The following CPS1 variants were observed in gnomAD, a reference collection of about 807,000 sequenced individuals.
CPS1 encodes carbamoyl-phosphate synthase 1, also known as carbamoyl-phosphate synthase [ammonia], mitochondrial.
Under a neutral mutation model 174.6 loss-of-function variants are expected in CPS1, and 109 were observed. The ratio of observed to expected loss-of-function variants is 0.62; its 90% CI spans 0.53 to 0.73. The LOEUF is 0.73. Among genes scored for constraint, CPS1 ranks in the 30% least tolerant of loss-of-function variants. The pLI, the probability that CPS1 is intolerant of heterozygous loss-of-function variation, is 0.00. For synonymous variants in CPS1, 637 were observed against 632.0 expected, an observed-to-expected ratio of 1.01 and a Z score of -0.12; for missense variants, 1,689 against 1,821.9, an observed-to-expected ratio of 0.93 and a Z score of 1.33.
intron 1 of CPS1, among the ~76,000 whole-genome samples, chr2:210,517,156 C>T (rs2105983211): frequency 6.6e-6 from 1 of 151,960 alleles, no homozygotes; most frequent in African/African-American, 2.4e-5. Flanking sequence ...TAACACTAAC[C>T]TAAGGAAAGT....
intron 21 of CPS1, among the ~76,000 whole-genome samples, chr2:210,624,916 A>G (rs535922656): frequency 6.6e-6 from 1 of 152,186 alleles, no homozygotes; most frequent in East Asian, 1.9e-4. Flanking sequence ...AAAAATTTTA[A>G]GTTGATTTAA....
At chr2:210,629,894 C>CA (rs1254404599) in intron 21 of CPS1, among the ~76,000 whole-genome samples, 241 of 142,590 alleles carry the variant, frequency 1.7e-3, no homozygotes, top group African/African-American at 4.4e-3. Flanking sequence ...AATAAAAATA[C>CA]AAAAAAAAAA....
intron 1 of CPS1, among the ~76,000 whole-genome samples, chr2:210,520,151 A>T (rs1395961533): frequency 6.6e-6 from 1 of 152,030 alleles, no homozygotes; most frequent in African/African-American, 2.4e-5. Flanking sequence ...TATAAAACAC[A>T]TATATTTTAG....
intron 1 of CPS1, among the ~76,000 whole-genome samples, chr2:210,520,945 A>G (rs1695807414): frequency 6.6e-6 from 1 of 151,996 alleles, no homozygotes; most frequent in East Asian, 1.9e-4. Flanking sequence ...ATATGTTGTC[A>G]TTTCTCTTGG....
chr2:210,592,721 C>T (rs749391611), intron 10 of CPS1, among the ~76,000 whole-genome samples, 158 bp from the exon 11 acceptor site: 14 of 151,900 alleles, frequency 9.2e-5, no homozygotes, highest in African/African-American at 1.2e-4. Context: ...CTTAAGATAT[C>T]GGACCATGTT....
chr2:210,566,418 A>G (rs1697305026), intron 1 of CPS1, among the ~76,000 whole-genome samples: 1 of 152,114 alleles, frequency 6.6e-6, no homozygotes, highest in Admixed American at 6.6e-5. Context: ...ATAATGACTC[A>G]GGTAATTCAT....
At chr2:210,608,054 TA>T (rs1401681952) in intron 18 of CPS1, among the ~76,000 whole-genome samples, 1 of 151,918 alleles carries the variant, frequency 6.6e-6, no homozygotes, top group East Asian at 1.9e-4. Context: ...TAAATACAAA[TA>T]AAGGTTAAAC....
At chr2:210,635,966 A>G (rs1438121084) in intron 21 of CPS1, among the ~76,000 whole-genome samples, 1 of 152,202 alleles carries the variant, frequency 6.6e-6, no homozygotes, top group African/African-American at 2.4e-5. Flanking sequence ...TTCTTCTCCA[A>G]ACTCAGAATA....
intron 11 of CPS1, among the ~76,000 whole-genome samples, chr2:210,593,933 G>A (rs1328381806): frequency 1.3e-5 from 2 of 151,606 alleles, no homozygotes; most frequent in African/African-American, 2.4e-5. Flanking sequence ...TTAGTACTTC[G>A]GATTAGGAAC....
At chr2:210,603,102 A>AATACC (rs1332794514) in intron 16 of CPS1, among the ~76,000 whole-genome samples, 1 of 151,964 alleles carries the variant, frequency 6.6e-6, no homozygotes, top group Non-Finnish European at 1.5e-5. Flanking sequence ...AGTGCCTGGA[A>AATACC]ATACCAGGAG....
At chr2:210,626,853 T>C (rs926149499) in intron 21 of CPS1, among the ~76,000 whole-genome samples, 12 of 152,224 alleles carry the variant, frequency 7.9e-5, no homozygotes, top group Non-Finnish European at 2.9e-5. Flanking sequence ...ATCTACTGTA[T>C]ATCTCCGGTG....
intron 1 of CPS1, among the ~76,000 whole-genome samples, chr2:210,511,265 G>T (rs961589200): frequency 6.6e-6 from 1 of 151,992 alleles, no homozygotes; most frequent in Non-Finnish European, 1.5e-5. Context: ...ATCATTCTCA[G>T]CAAACCATCG....
intron 1 of CPS1, among the ~76,000 whole-genome samples, chr2:210,511,890 T>G (rs1414737887): frequency 1.3e-5 from 2 of 152,116 alleles, no homozygotes; most frequent in Non-Finnish European, 2.9e-5. Context: ...TTCAATAAAT[T>G]TATTCACATC....
At chr2:210,505,512 C>A (rs905014084) in intron 1 of CPS1, among the ~76,000 whole-genome samples, 1 of 152,102 alleles carries the variant, frequency 6.6e-6, no homozygotes, top group Non-Finnish European at 1.5e-5. Flanking sequence ...GTACTGGGTT[C>A]ATCTCACTGG....
chr2:210,598,499 A>G (rs1205398904), intron 13 of CPS1, among the ~76,000 whole-genome samples: 1 of 151,652 alleles, frequency 6.6e-6, no homozygotes, highest in Non-Finnish European at 1.5e-5. Flanking sequence ...TGCGCTCAAA[A>G]TAAAGGGATA....
chr2:210,593,239 A>G, intron 11 of CPS1: 2 of 714,028 alleles, frequency 2.8e-6, no homozygotes, highest in Non-Finnish European at 4.1e-6. Flanking sequence ...TGAAATTTAC[A>G]ATTGTTGTAC....
chr2:210,579,364 T>C (rs1697831699), intron 4 of CPS1, among the ~76,000 whole-genome samples: 1 of 152,124 alleles, frequency 6.6e-6, no homozygotes, highest in Non-Finnish European at 1.5e-5. Flanking sequence ...GCCAGGAACA[T>C]TTGGCTCAAA....
intron 2 of CPS1, among the ~76,000 whole-genome samples, chr2:210,574,388 A>G (rs937946982): frequency 6.6e-6 from 1 of 152,076 alleles, no homozygotes; most frequent in East Asian, 1.9e-4. Context: ...CTGATACTGA[A>G]TATACTAATT....
chr2:210,481,263 T>G (rs1469564061), intron 1 of CPS1, among the ~76,000 whole-genome samples: 4 of 152,232 alleles, frequency 2.6e-5, no homozygotes. Flanking sequence ...AGTATGTGTC[T>G]TTAACGAGAA....
Sources: allele counts gnomAD v4.1 joint callset (sites outside exome capture counted in the v4.1 genomes callset), GRCh38; gene constraint gnomAD v4.1.1; transcripts MANE v1.5; gene names NCBI Gene and HGNC (gene_info 2026-07-23, HGNC 2026-07-21).